Variants in GALNT13 observed in about 807,000 individuals in gnomAD.
The protein encoded by GALNT13 is UDP-GalNAc:polypeptide N-acetylgalactosaminyltransferase 13.
Under a neutral mutation model 64.2 loss-of-function variants are expected in GALNT13, and 28 were observed. That is an observed-to-expected ratio of 0.44 (90% CI 0.32 to 0.60). GALNT13 has a LOEUF of 0.60. GALNT13 is among the 20% of genes least tolerant of loss of function. The pLI is 0.05. For missense variants in GALNT13, 577 were observed against 669.8 expected, an observed-to-expected ratio of 0.86 and a Z score of 1.53; for synonymous variants, 214 against 224.6, an observed-to-expected ratio of 0.95 and a Z score of 0.42.
chr2:153,593,194 C>T, the GALNT13 span: 10 of 152,466 alleles, frequency 6.6e-5, no homozygotes, highest in South Asian at 6.2e-4. Context: ...TCAAGCCCAT[C>T]TCGCTCACCA....
At chr2:153,480,879 A>G in the GALNT13 span, among the ~76,000 whole-genome samples, 2 of 152,196 alleles carry the variant, frequency 1.3e-5, no homozygotes, top group East Asian at 1.9e-4. Flanking sequence ...AGTTTATAGT[A>G]CATTTGTAAG....
chr2:153,147,600 A>G, the GALNT13 span, among the ~76,000 whole-genome samples: 1 of 150,730 alleles, frequency 6.6e-6, no homozygotes, highest in Non-Finnish European at 1.5e-5. Context: ...CAGTAATTAG[A>G]ACCAACTCCT....
chr2:153,943,939 T>C (rs2105383914), intron 2 of GALNT13, among the ~76,000 whole-genome samples: 2 of 152,330 alleles, frequency 1.3e-5, no homozygotes, highest in South Asian at 4.1e-4. Context: ...AAGTCTTCTA[T>C]TCTTAGGAGG....
chr2:153,990,147 G>A (rs1038427202), intron 3 of GALNT13, among the ~76,000 whole-genome samples: 2 of 151,652 alleles, frequency 1.3e-5, no homozygotes, highest in Non-Finnish European at 2.9e-5. Context: ...TTTCATTTCT[G>A]TTCATCAGAT....
At chr2:153,118,400 A>G in the GALNT13 span, among the ~76,000 whole-genome samples, 6 of 151,998 alleles carry the variant, frequency 3.9e-5, no homozygotes, top group African/African-American at 1.2e-4. Flanking sequence ...TCCCTCTAAC[A>G]CCAACTGCAA....
intron 4 of GALNT13, among the ~76,000 whole-genome samples, chr2:154,238,015 C>G (rs939652210): frequency 6.6e-6 from 1 of 151,766 alleles, no homozygotes; most frequent in African/African-American, 2.4e-5. Flanking sequence ...ATCATGTCAG[C>G]CAAGGACCAG....
the GALNT13 span, among the ~76,000 whole-genome samples, chr2:153,601,936 C>T: frequency 4.6e-5 from 7 of 151,846 alleles, no homozygotes; most frequent in South Asian, 4.2e-4. Context: ...CATGGTGAAT[C>T]GCTTGACTCA....
the GALNT13 span, among the ~76,000 whole-genome samples, chr2:153,129,993 C>T: frequency 6.6e-6 from 1 of 152,142 alleles, no homozygotes; most frequent in Admixed American, 6.6e-5. Flanking sequence ...GATGACAGGC[C>T]TTTCCAGATC....
intron 3 of GALNT13, among the ~76,000 whole-genome samples, chr2:154,126,816 C>CT (rs1418219839): frequency 1.3e-5 from 2 of 151,784 alleles, no homozygotes; most frequent in Admixed American, 6.6e-5. Flanking sequence ...TGGAGGTTGA[C>CT]TTTTTTTTAT....
chr2:153,552,575 CTTT>C, the GALNT13 span, among the ~76,000 whole-genome samples: 118 of 69,322 alleles, frequency 1.7e-3, no homozygotes, highest in African/African-American at 5.5e-3. Flanking sequence ...GCTTCTTCTT[CTTT>C]TTTTTTTTTT....
the GALNT13 span, among the ~76,000 whole-genome samples, chr2:153,398,779 T>C: frequency 1.4e-5 from 2 of 143,482 alleles, no homozygotes; most frequent in East Asian, 2.0e-4. Context: ...TGTTTGTTTT[T>C]TTCTTGTAAA....
At chr2:153,578,256 A>G in the GALNT13 span, among the ~76,000 whole-genome samples, 3 of 152,144 alleles carry the variant, frequency 2.0e-5, no homozygotes, top group African/African-American at 7.2e-5. Context: ...TTATATATCA[A>G]TTTTATCTTA....
intron 4 of GALNT13, among the ~76,000 whole-genome samples, chr2:154,213,827 C>A (rs542330387): frequency 2.0e-5 from 3 of 152,152 alleles, no homozygotes; most frequent in East Asian, 3.9e-4. Flanking sequence ...TTTGTATTTA[C>A]CTAAAATCAA....
chr2:153,530,662 C>T, the GALNT13 span, among the ~76,000 whole-genome samples: 8 of 151,150 alleles, frequency 5.3e-5, no homozygotes, highest in African/African-American at 1.9e-4. Context: ...GTACTGGCAA[C>T]AAAACAGAAC....
chr2:153,627,501 G>A, the GALNT13 span, among the ~76,000 whole-genome samples: 430 of 152,166 alleles, frequency 2.8e-3, 9 homozygotes, highest in Admixed American at 0.023. Flanking sequence ...CTATATTATT[G>A]TAGTAAACAA....
intron 12 of GALNT13, chr2:154,445,727 G>T: frequency 5.5e-6 from 5 of 916,872 alleles, no homozygotes; most frequent in South Asian, 3.0e-5. Flanking sequence ...TCATTAAGCT[G>T]CCTGAGAGAA....
At chr2:153,930,766 G>A (rs549295199) in intron 2 of GALNT13, among the ~76,000 whole-genome samples, 1 of 152,126 alleles carries the variant, frequency 6.6e-6, no homozygotes, top group South Asian at 2.1e-4. Context: ...GATTCCTCTG[G>A]CTTTGTTTTT....
chr2:153,642,473 G>A, the GALNT13 span, among the ~76,000 whole-genome samples: 1 of 151,724 alleles, frequency 6.6e-6, no homozygotes, highest in Admixed American at 6.6e-5. Flanking sequence ...CAAAATAAAT[G>A]TCAACAGTCA....
intron 1 of GALNT13, among the ~76,000 whole-genome samples, chr2:153,872,764 C>T (rs67164081): frequency 0.29 from 44,744 of 151,854 alleles, 7,191 homozygotes; most frequent in Middle Eastern, 0.42. Context: ...CTACTCGACC[C>T]GACACCAGGC....
Sources: gnomAD v4.1 joint callset for allele counts (sites outside exome capture counted in the v4.1 genomes callset) on GRCh38, gnomAD v4.1.1 for gene constraint, MANE v1.5 for transcripts, NCBI Gene and HGNC (gene_info 2026-07-23, HGNC 2026-07-21) for gene names.